The following RADIL variants were observed in gnomAD, a reference collection of about 807,000 sequenced individuals.
RADIL encodes Rap associating with DIL domain, also known as ras-associating and dilute domain-containing protein.
A neutral mutation model predicts 97.6 loss-of-function variants in RADIL; 99 were observed. That is an observed-to-expected ratio of 1.01 (90% CI 0.86 to 1.20). The LOEUF is 1.20. RADIL is among the 50% of genes most tolerant of loss of function. The pLI is 0.00. For synonymous variants in RADIL, 803 were observed against 691.8 expected, an observed-to-expected ratio of 1.16 and a Z score of -2.52; for missense variants, 1,765 against 1,498.9, an observed-to-expected ratio of 1.18 and a Z score of -2.93.
intron 2 of RADIL, among the ~76,000 whole-genome samples, chr7:4,852,586 A>T (rs1046820625): frequency 2.0e-5 from 3 of 152,196 alleles, no homozygotes; most frequent in Admixed American, 6.5e-5. Flanking sequence ...GTAGCTGGGA[A>T]CACAGGTGTG....
intron 10 of RADIL, among the ~76,000 whole-genome samples, chr7:4,804,584 C>G (rs566652320): frequency 6.6e-6 from 1 of 151,924 alleles, no homozygotes; most frequent in African/African-American, 2.4e-5. Flanking sequence ...GTCAGGAATT[C>G]GAGAGCAGCC....
chr7:4,838,301 C>A (rs980956472), intron 2 of RADIL, among the ~76,000 whole-genome samples: 1 of 152,164 alleles, frequency 6.6e-6, no homozygotes, highest in African/African-American at 2.4e-5. Flanking sequence ...GAAAGAAGAA[C>A]AAAAACAGCT....
chr7:4,799,847 T>C, intron 13 of RADIL, 78 bp from the exon 14 acceptor site: 2 of 1,433,584 alleles, frequency 1.4e-6, no homozygotes, highest in Non-Finnish European at 9.1e-7. Flanking sequence ...GCCCCTCCCT[T>C]GGCACCTACA....
At chr7:4,838,656 T>G (rs994449949) in intron 2 of RADIL, among the ~76,000 whole-genome samples, 12 of 152,208 alleles carry the variant, frequency 7.9e-5, no homozygotes, top group African/African-American at 2.9e-4. Context: ...TTCCTGGTGC[T>G]GGGTAGGCCT....
In RADIL at chr7:4,876,843, C is replaced by T. The variant is rs74743711; in HGVS notation, c.535+762G>A. Among the ~76,000 whole-genome samples, 790 of 152,332 alleles carry T rather than the reference C, an allele frequency of 5.2e-3. 28 individuals carry two copies. In the East Asian group the frequency reaches 0.068, roughly 13 times the overall value. The stretch of plus-strand genomic sequence containing the variant: ...CAGACCCGCGGTACGCTGAGTGCAC[C>T]GTGGTCACCTCTGGAGACCTTGCAA... On this transcript the variant is annotated intron_variant, in intron 2 of 14. Transcript: ENST00000399583.
Position 4,840,202 on chromosome 7 carries a change from C to T in RADIL, c.536-3597G>A, listed in dbSNP as rs953163592. On this transcript the variant is annotated intron_variant, in intron 2 of 14. Coordinates refer to ENST00000399583, the MANE Select transcript of RADIL (RefSeq NM_018059.5). The surrounding 1 kb of genome is among the most constrained non-coding windows in gnomAD (Gnocchi z 5.6). ...GTCGGCTGTCAGGCTTGTTGGGGGCCGACATGGCCTCCCAAGTTCCCATAG... is the reference window on the plus strand; with the variant it reads ...GTCGGCTGTCAGGCTTGTTGGGGGCTGACATGGCCTCCCAAGTTCCCATAG... 3.9e-5 allele frequency among the ~76,000 whole-genome samples: 6 copies of T among 152,090 alleles called. No homozygotes were observed. Among genetic ancestry groups the T allele is most frequent in the Admixed American group, 1.3e-4 (2 of 15,260 alleles).
At chr7:4,876,564 G>C (rs1258958490) in intron 2 of RADIL, among the ~76,000 whole-genome samples, 1 of 152,206 alleles carries the variant, frequency 6.6e-6, no homozygotes. Flanking sequence ...GCCTCCCAAA[G>C]TGCTGGGATT....
At chr7:4,863,160 G>A (rs1274633684) in intron 2 of RADIL, among the ~76,000 whole-genome samples, 2 of 152,112 alleles carry the variant, frequency 1.3e-5, no homozygotes, top group African/African-American at 4.8e-5. Context: ...CCTCTCTTCA[G>A]TTGTATTTAG....
intron 2 of RADIL, chr7:4,860,257 A>C (rs1253567836): frequency 1.2e-6 from 2 of 1,613,944 alleles, no homozygotes; most frequent in Non-Finnish European, 1.7e-6. Flanking sequence ...TGTCGTTCAA[A>C]TCTGTCAATC....
Position 4,817,171 on chromosome 7 carries a change from G to C in RADIL, c.1728+68C>G. ...CAGAAGGCTCCTTAGGAGAGCCACA[G>C]GCACAAGCTTGAGCCCCACTTGATC... is the stretch of plus-strand genomic sequence containing the variant. On this transcript the variant is annotated intron_variant, in intron 7 of 14. Coordinates refer to ENST00000399583, the MANE Select transcript of RADIL (RefSeq NM_018059.5). This position sits in a 1 kb window ranked among gnomAD's most constrained non-coding sequence, Gnocchi z 8.3. 1.4e-6 allele frequency: 2 copies of C among 1,415,362 alleles called. No homozygotes were observed. Among genetic ancestry groups the C allele is most frequent in the East Asian group, 4.7e-5 (2 of 42,874 alleles). 87.7% of individuals were successfully genotyped at this position (1,415,362 alleles called of 1,614,324 possible).
intron 9 of RADIL, chr7:4,805,920 G>A (rs1030230022): frequency 2.0e-6 from 2 of 985,340 alleles, no homozygotes; most frequent in Admixed American, 1.2e-4. Context: ...TCCAGGGAGA[G>A]GCCGGCCAGT....
In RADIL at chr7:4,817,576, G is replaced by A. The variant is rs1782711204; in HGVS notation, c.1616-225C>T. The stretch of plus-strand genomic sequence containing the variant: ...GAGGGGAATGCCGGGAGGGGCAGGA[G>A]GGGTCCAGACACCCAACATCTCAAT... On this transcript the variant is annotated intron_variant, in intron 6 of 14. Coordinates refer to ENST00000399583, the MANE Select transcript of RADIL (RefSeq NM_018059.5). This position sits in a 1 kb window ranked among gnomAD's most constrained non-coding sequence, Gnocchi z 8.3. Among the ~76,000 whole-genome samples, 1 of 152,124 alleles carries A rather than the reference G, an allele frequency of 6.6e-6. No homozygotes were observed. The highest frequency in any genetic ancestry group is 1.5e-5 in the Non-Finnish European group (1 of 68,028).
intron 2 of RADIL, among the ~76,000 whole-genome samples, chr7:4,851,203 A>G (rs1434545047): frequency 6.6e-6 from 1 of 151,998 alleles, no homozygotes; most frequent in Non-Finnish European, 1.5e-5. Flanking sequence ...GTCTCAAAAA[A>G]AAAAAAGAAA....
intron 7 of RADIL, among the ~76,000 whole-genome samples, chr7:4,816,902 G>A (rs367960646): frequency 6.6e-6 from 1 of 152,298 alleles, no homozygotes; most frequent in African/African-American, 2.4e-5. Context: ...GTGGGTCCAG[G>A]GTGACAACAG....
rs1782192380 is a variant in RADIL, at chr7:4,803,595, CCGGGGCTGG to C, written c.2441_2449del (p.Ala814_Pro816del). 6.5e-6 allele frequency: 10 copies of C among 1,546,972 alleles called. No individual in the cohort carries two copies. Among genetic ancestry groups the C allele is most frequent in the Non-Finnish European group, 7.9e-6 (9 of 1,145,628 alleles). On this transcript the variant is annotated inframe_deletion, in exon 11 of 15. Coordinates refer to ENST00000399583, the MANE Select transcript of RADIL (RefSeq NM_018059.5). Reference sequence around the variant, plus strand: ...CCCACTGCCAGGCCTGCCAGGGCTGCCGGGGCTGGCTCTGCTCCGCAGACCCCACAGAAA... The same window carrying C: ...CCCACTGCCAGGCCTGCCAGGGCTGCCTCTGCTCCGCAGACCCCACAGAAA...
In RADIL at chr7:4,818,796, G is replaced by A. The variant is rs1282143504; in HGVS notation, c.1616-1445C>T. Among the ~76,000 whole-genome samples, 2 of 152,202 alleles carry A rather than the reference G, an allele frequency of 1.3e-5. No individual in the cohort carries two copies. The highest frequency in any genetic ancestry group is 1.9e-4 in the East Asian group (1 of 5,182). ...ACATCACTCCCTGGGCAGGGGCGGG[G>A]CACTGGTGGGAAGAGGGAAACGGGG... On this transcript the variant is annotated intron_variant, in intron 6 of 14. Transcript: ENST00000399583. The surrounding 1 kb of genome is among the most constrained non-coding windows in gnomAD (Gnocchi z 7.1).
rs1469949660 is a variant in RADIL, at chr7:4,814,478, G to A, written c.2139+800C>T. ...GTACAGCATGTTCAGCGTTTTCCAG[G>A]CAGGAGAGGAAACCATCGGTCTATT... On this transcript the variant is annotated intron_variant, in intron 9 of 14. Transcript: ENST00000399583. This position sits in a 1 kb window ranked among gnomAD's most constrained non-coding sequence, Gnocchi z 4.5. Among the ~76,000 whole-genome samples, 1 of 151,966 alleles carries A rather than the reference G, an allele frequency of 6.6e-6. No individual in the cohort carries two copies. The highest frequency in any genetic ancestry group is 1.5e-5 in the Non-Finnish European group (1 of 68,014).
rs1387034982 is a variant in RADIL, at chr7:4,824,473, G to A, written c.1455-1919C>T. On this transcript the variant is annotated intron_variant, in intron 5 of 14. Coordinates refer to ENST00000399583, the MANE Select transcript of RADIL (RefSeq NM_018059.5). This position sits in a 1 kb window ranked among gnomAD's most constrained non-coding sequence, Gnocchi z 6.7. ...GGGCTGAGGCCCTGTTTTCCTCCCTGTTCTTTCCCCAGCTGGGCAGCCGAG... is the reference window on the plus strand; with the variant it reads ...GGGCTGAGGCCCTGTTTTCCTCCCTATTCTTTCCCCAGCTGGGCAGCCGAG... 6.6e-6 allele frequency among the ~76,000 whole-genome samples: 1 copy of A among 152,230 alleles called. No individual in the cohort carries two copies. The highest frequency in any genetic ancestry group is 6.5e-5 in the Admixed American group (1 of 15,290).
Position 4,799,710 on chromosome 7 carries a change from T to C in RADIL, c.3042A>G (p.Ala1014=). Residue 1014 remains alanine, a synonymous_variant, in exon 14 of 15, where the codon GCA becomes GCG. Transcript: ENST00000399583. ...CCAGCGACAGGCGCCCGTCGGCCGC[T>C]GCGGGGCTGCCCGGGAGCAGGGTCT... The part of the protein sequence containing the change: ...YIQTLLPGSP[A]AADGRLSLGD... 6.4e-7 allele frequency: 1 copy of C among 1,570,872 alleles called. No homozygotes were observed. The highest frequency in any genetic ancestry group is 8.6e-7 in the Non-Finnish European group (1 of 1,160,562).
Sources: gnomAD v4.1 joint callset for allele counts (sites outside exome capture counted in the v4.1 genomes callset) on GRCh38, gnomAD v4.1.1 for gene constraint, Gnocchi (gnomAD v3.1) non-coding constraint, MANE v1.5 for transcripts, NCBI Gene and HGNC (gene_info 2026-07-23, HGNC 2026-07-21) for gene names.